The following MDGA2 variants were observed in gnomAD, a reference collection of about 807,000 sequenced individuals.
MDGA2 encodes the protein MAM domain containing glycosylphosphatidylinositol anchor 2, also known as MAM domain-containing glycosylphosphatidylinositol anchor protein 2.
MDGA2 carries 40 observed loss-of-function variants against 117.8 expected under a neutral mutation model. That is an observed-to-expected ratio of 0.34 (90% CI 0.26 to 0.44). MDGA2 has a LOEUF of 0.44. MDGA2 is among the 20% of genes least tolerant of loss of function. The pLI is 1.00. For synonymous variants in MDGA2, 452 were observed against 439.0 expected, an observed-to-expected ratio of 1.03 and a Z score of -0.37; for missense variants, 1,123 against 1,250.6, an observed-to-expected ratio of 0.90 and a Z score of 1.54.
At chr14:47,590,058 GTGTGTGTGTATT>G (rs1475326699) in intron 1 of MDGA2, among the ~76,000 whole-genome samples, 2 of 151,528 alleles carry the variant, frequency 1.3e-5, no homozygotes, top group Non-Finnish European at 2.9e-5. Context: ...TTCTAATTTT[GTGTGTGTGTATT>G]TGTGTGTGTG....
Position 46,937,986 on chromosome 14 carries a change from A to G in MDGA2, c.2090-17826T>C, listed in dbSNP as rs1884843924. Among the ~76,000 whole-genome samples the G allele has an allele frequency of 2.0e-5, 3 of 152,216 alleles. No individual in the cohort carries two copies. In the South Asian group the frequency reaches 6.2e-4, roughly 32 times the overall value. The stretch of plus-strand genomic sequence containing the variant: ...TAAACCAAAAAGCTTGTGAACATCA[A>G]AAGAAGCAATCAAGAGACTGAAAAG... On this transcript the variant is annotated intron_variant, in intron 9 of 16. Transcript: ENST00000399232.
intron 2 of MDGA2, among the ~76,000 whole-genome samples, chr14:47,265,239 T>C (rs1000866717): frequency 3.3e-5 from 5 of 152,128 alleles, no homozygotes; most frequent in Non-Finnish European, 5.9e-5. Flanking sequence ...TGTAATACAG[T>C]AAAAGAATTA....
chr14:47,056,846 T>C (rs138030698), intron 7 of MDGA2, among the ~76,000 whole-genome samples: 2 of 152,278 alleles, frequency 1.3e-5, no homozygotes, highest in African/African-American at 4.8e-5. Flanking sequence ...TTCATCAAAA[T>C]TTTAGGCTAA....
intron 2 of MDGA2, among the ~76,000 whole-genome samples, chr14:47,259,198 A>T (rs1345500272): frequency 6.6e-6 from 1 of 151,962 alleles, no homozygotes; most frequent in South Asian, 2.1e-4. Flanking sequence ...TTTCTCTTTT[A>T]TAAAGAGATA....
intron 8 of MDGA2, among the ~76,000 whole-genome samples, chr14:46,982,421 C>A (rs1427950700): frequency 2.0e-5 from 3 of 151,726 alleles, no homozygotes; most frequent in Non-Finnish European, 4.4e-5. Context: ...CTTTAAAAAA[C>A]AAATGCTGGC....
chr14:47,523,405 T>TA (rs1894909224), intron 1 of MDGA2, among the ~76,000 whole-genome samples: 1 of 152,176 alleles, frequency 6.6e-6, no homozygotes, highest in African/African-American at 2.4e-5. Context: ...TTTAATTTTT[T>TA]ATAATTTTAA....
chr14:47,531,249 C>A (rs940415560), intron 1 of MDGA2, among the ~76,000 whole-genome samples: 1 of 151,950 alleles, frequency 6.6e-6, no homozygotes, highest in African/African-American at 2.4e-5. Context: ...CACCTCAAAA[C>A]AAACAAACAA....
In MDGA2 at chr14:47,407,701, A is replaced by G. The variant is rs1387577116; in HGVS notation, c.281-106151T>C. Among the ~76,000 whole-genome samples, 3 of 152,168 alleles carry G rather than the reference A, an allele frequency of 2.0e-5. No homozygotes were observed. The South Asian group carries it at 6.2e-4, about 32-fold the overall frequency. On this transcript the variant is annotated intron_variant, in intron 1 of 16. Coordinates refer to ENST00000399232, the MANE Select transcript of MDGA2 (RefSeq NM_001113498.3). The stretch of plus-strand genomic sequence containing the variant: ...TCCATGTGTTAATTATTTTTTTCTG[A>G]TTCATCGTTAATCAATAGGGCAATA...
At chr14:46,889,761 CT>C (rs1437589662) in intron 10 of MDGA2, among the ~76,000 whole-genome samples, 1 of 152,028 alleles carries the variant, frequency 6.6e-6, no homozygotes, top group Non-Finnish European at 1.5e-5. Context: ...GGCCCCATTC[CT>C]TGAAAATTTG....
chr14:47,438,435 A>T (rs1288967235), intron 1 of MDGA2, among the ~76,000 whole-genome samples: 2 of 152,184 alleles, frequency 1.3e-5, no homozygotes, highest in East Asian at 3.9e-4. Context: ...CTTGCAGCCT[A>T]GCACTGGTTT....
At chr14:47,076,616 A>T (rs372295274) in intron 6 of MDGA2, among the ~76,000 whole-genome samples, 1 of 151,602 alleles carries the variant, frequency 6.6e-6, no homozygotes, top group Non-Finnish European at 1.5e-5. Context: ...ATTATTTTTT[A>T]AAAACATCTT....
At chr14:47,006,037 A>T (rs576682928) in intron 8 of MDGA2, among the ~76,000 whole-genome samples, 1 of 151,720 alleles carries the variant, frequency 6.6e-6, no homozygotes, top group East Asian at 1.9e-4. Context: ...CTGGAGTCCT[A>T]TGTTGTGGTC....
chr14:46,996,810 A>C (rs1049872302), intron 8 of MDGA2: 1 of 188,358 alleles, frequency 5.3e-6, no homozygotes, highest in Non-Finnish European at 1.1e-5. Flanking sequence ...AAAAGAGCCT[A>C]GTAGCTTTTA....
intron 3 of MDGA2, among the ~76,000 whole-genome samples, chr14:47,177,730 G>A (rs1472044753): frequency 6.6e-6 from 1 of 151,980 alleles, no homozygotes; most frequent in East Asian, 1.9e-4. Flanking sequence ...CAGCACACCA[G>A]CATGGCACAC....
chr14:47,160,999 T>C (rs10132113), intron 3 of MDGA2, among the ~76,000 whole-genome samples: 63,666 of 151,946 alleles, frequency 0.42, 13,850 homozygotes, highest in African/African-American at 0.53. Context: ...TCTCTTTCCT[T>C]ATTCCAAATC....
At chr14:46,956,750 C>G (rs1292724093) in intron 9 of MDGA2, among the ~76,000 whole-genome samples, 4 of 152,102 alleles carry the variant, frequency 2.6e-5, no homozygotes, top group Non-Finnish European at 5.9e-5. Context: ...TGGTTTGGCT[C>G]TGTGTCCTCA....
At chr14:47,264,634 A>G (rs1277206253) in intron 2 of MDGA2, among the ~76,000 whole-genome samples, 1 of 152,046 alleles carries the variant, frequency 6.6e-6, no homozygotes, top group East Asian at 1.9e-4. Flanking sequence ...CAGTTTTAAA[A>G]AATATTTGTG....
At chr14:47,393,208 T>C (rs1396005137) in intron 1 of MDGA2, among the ~76,000 whole-genome samples, 4 of 151,702 alleles carry the variant, frequency 2.6e-5, no homozygotes, top group Non-Finnish European at 5.9e-5. Flanking sequence ...AAAAACTTTA[T>C]AGTTGCTTTA....
At chr14:47,658,890 T>C (rs917257439) in intron 1 of MDGA2, among the ~76,000 whole-genome samples, 5 of 152,184 alleles carry the variant, frequency 3.3e-5, no homozygotes, top group African/African-American at 1.2e-4. Context: ...CAGCATCCCA[T>C]GCACTCAGCC....
Sources: gnomAD v4.1 joint callset for allele counts (sites outside exome capture counted in the v4.1 genomes callset) on GRCh38, gnomAD v4.1.1 for gene constraint, MANE v1.5 for transcripts, NCBI Gene and HGNC (gene_info 2026-07-23, HGNC 2026-07-21) for gene names.